Variants in SPIN1 observed in about 807,000 individuals in gnomAD.
SPIN1 encodes the protein spindlin 1.
Under a neutral mutation model 26.0 loss-of-function variants are expected in SPIN1, and 3 were observed. That is an observed-to-expected ratio of 0.12 (90% CI 0.05 to 0.30). The LOEUF (loss-of-function observed/expected upper bound fraction) is 0.30. Among genes scored for constraint, SPIN1 ranks in the 10% least tolerant of loss-of-function variants. The pLI is 1.00. For synonymous variants in SPIN1, 101 were observed against 116.5 expected (o/e 0.87, Z 0.86); for missense variants, 126 against 333.4 (o/e 0.38, Z 4.84).
At chr9:88,389,548 C>T (rs1826874529) in intron 1 of SPIN1, 1 of 152,126 alleles carries the variant, frequency 6.6e-6, no homozygotes, top group Admixed American at 6.5e-5. Flanking sequence ...ATTTTCCGTA[C>T]GTGGTGGAAG....
At chr9:88,447,771 A>G (rs1019072071) in intron 2 of SPIN1, among the ~76,000 whole-genome samples, 4 of 152,096 alleles carry the variant, frequency 2.6e-5, no homozygotes, top group Non-Finnish European at 4.4e-5. Context: ...CCAACGCTAC[A>G]CTGAGTCACA....
In SPIN1 at chr9:88,445,516, CTTT is replaced by C. The variant is rs1210323382; in HGVS notation, c.53-3423_53-3421del. Among the ~76,000 whole-genome samples the C allele has an allele frequency of 6.4e-4, 69 of 107,944 alleles. No homozygotes were observed. In the East Asian group the frequency reaches 8.5e-3, roughly 13 times the overall value. 70.8% of individuals were successfully genotyped at this position (107,944 alleles called of 152,430 possible). On this transcript the variant is annotated intron_variant, in intron 2 of 5. Transcript: ENST00000375859. ...TCAGATTTTCTTAAATGTATTGAGACTTTTATTATTATTATTATTATTATTATT... is the reference window on the plus strand; with the variant it reads ...TCAGATTTTCTTAAATGTATTGAGACTATTATTATTATTATTATTATTATT...
Position 88,468,732 on chromosome 9 carries a change from A to G in SPIN1, c.589+127A>G, listed in dbSNP as rs529308248. Reference sequence around the variant, plus strand: ...GGATATATGATTCTTTTAGTCATGCACAAACACAGCCTTTGAAATTTTTCA... The same window carrying G: ...GGATATATGATTCTTTTAGTCATGCGCAAACACAGCCTTTGAAATTTTTCA... On this transcript the variant is annotated intron_variant, in intron 5 of 5. Transcript: ENST00000375859. The G allele has an allele frequency of 5.9e-5, 31 of 529,870 alleles. 2 individuals are homozygous for G. The highest frequency in any genetic ancestry group is 4.5e-4 in the African/African-American group (23 of 50,756). 32.8% of individuals were successfully genotyped at this position (529,870 alleles called of 1,614,324 possible).
At chr9:88,457,726 A>G (rs902632194) in intron 3 of SPIN1, 31 of 622,172 alleles carry the variant, frequency 5.0e-5, no homozygotes, top group Non-Finnish European at 6.2e-5. Flanking sequence ...GCAAAATAAT[A>G]ATTTGAGGCT....
intron 5 of SPIN1, among the ~76,000 whole-genome samples, chr9:88,472,090 C>T (rs1587818672): frequency 1.3e-5 from 2 of 152,096 alleles, no homozygotes; most frequent in Non-Finnish European, 1.5e-5. Context: ...TAAGCCACTG[C>T]ACCCCGGCCC....
intron 4 of SPIN1, among the ~76,000 whole-genome samples, chr9:88,463,612 T>TA (rs2118195894): frequency 6.6e-6 from 1 of 152,356 alleles, no homozygotes; most frequent in East Asian, 1.9e-4. Context: ...GTCCCTGGGA[T>TA]ATAACGAGTT....
At chr9:88,401,623 G>C (rs1827188840) in intron 1 of SPIN1, among the ~76,000 whole-genome samples, 2 of 152,152 alleles carry the variant, frequency 1.3e-5, no homozygotes, top group Non-Finnish European at 2.9e-5. Context: ...ATAACTACAA[G>C]GAAAAAACTT....
At chr9:88,460,665 T>A (rs943609888) in intron 3 of SPIN1, among the ~76,000 whole-genome samples, 5 of 152,134 alleles carry the variant, frequency 3.3e-5, no homozygotes, top group Admixed American at 1.3e-4. Context: ...AAGACTGATG[T>A]TCCAGCTCAG....
At chr9:88,457,033 A>G (rs1320508017) in intron 3 of SPIN1, among the ~76,000 whole-genome samples, 1 of 152,200 alleles carries the variant, frequency 6.6e-6, no homozygotes, top group African/African-American at 2.4e-5. Context: ...TTTCTTCAAG[A>G]TGAAAAGTAT....
At chr9:88,397,144 T>C (rs540640388) in intron 1 of SPIN1, among the ~76,000 whole-genome samples, 17 of 152,154 alleles carry the variant, frequency 1.1e-4, no homozygotes, top group Non-Finnish European at 2.5e-4. Flanking sequence ...AAAAAGTTTC[T>C]TCAGTAATTT....
intron 1 of SPIN1, among the ~76,000 whole-genome samples, 184 bp downstream of exon 1, chr9:88,388,722 T>C (rs1171026174): frequency 6.7e-6 from 1 of 148,174 alleles, no homozygotes; most frequent in East Asian, 2.0e-4. Flanking sequence ...GGACCCGGGC[T>C]GGGCGGGCCT....
At chr9:88,434,509 AG>A (rs1827959949) in intron 2 of SPIN1, among the ~76,000 whole-genome samples, 1 of 151,896 alleles carries the variant, frequency 6.6e-6, no homozygotes, top group Non-Finnish European at 1.5e-5. Flanking sequence ...CTGGAAAGTC[AG>A]TGATGGGTGA....
intron 1 of SPIN1, among the ~76,000 whole-genome samples, chr9:88,419,258 T>A (rs1827628699): frequency 6.6e-6 from 1 of 152,164 alleles, no homozygotes. Flanking sequence ...CCCTGACTCA[T>A]TCTGATTTCC....
intron 3 of SPIN1, among the ~76,000 whole-genome samples, chr9:88,456,897 T>C (rs1032650731): frequency 2.6e-5 from 4 of 152,120 alleles, no homozygotes; most frequent in African/African-American, 9.7e-5. Context: ...TCTTCAGATA[T>C]CAGAAAGCAT....
intron 2 of SPIN1, among the ~76,000 whole-genome samples, chr9:88,448,049 T>C (rs1042303234): frequency 3.4e-5 from 5 of 147,702 alleles, no homozygotes; most frequent in African/African-American, 1.2e-4. Context: ...GTTTTGGTCT[T>C]TTTTTTTTTT....
At chr9:88,430,762 G>A (rs927654160) in intron 2 of SPIN1, among the ~76,000 whole-genome samples, 1 of 152,088 alleles carries the variant, frequency 6.6e-6, no homozygotes, top group Non-Finnish European at 1.5e-5. Context: ...TAATGACATT[G>A]GGTAACAAGT....
intron 3 of SPIN1, chr9:88,458,053 A>C: frequency 2.3e-6 from 2 of 875,408 alleles, no homozygotes; most frequent in Non-Finnish European, 2.7e-6. Context: ...ATAGGTTTTG[A>C]TTAATCACAG....
intron 5 of SPIN1, among the ~76,000 whole-genome samples, chr9:88,473,399 GA>G (rs111552287): frequency 1.5e-4 from 23 of 148,720 alleles, no homozygotes; most frequent in East Asian, 3.9e-4. Context: ...GTCTCAAAAA[GA>G]AAAAAAAAAT....
chr9:88,446,474 T>C (rs1001258372), intron 2 of SPIN1, among the ~76,000 whole-genome samples: 2 of 149,754 alleles, frequency 1.3e-5, no homozygotes, highest in African/African-American at 4.9e-5. Flanking sequence ...TAACACAATC[T>C]CGGCTTACTG....
Sources: allele counts gnomAD v4.1 joint callset (sites outside exome capture counted in the v4.1 genomes callset), GRCh38; gene constraint gnomAD v4.1.1; transcripts MANE v1.5; gene names NCBI Gene and HGNC (gene_info 2026-07-23, HGNC 2026-07-21).